Variants in PTPRM observed in about 807,000 individuals in gnomAD.
The protein encoded by PTPRM is receptor-type tyrosine-protein phosphatase mu.
Under a neutral mutation model 186.7 loss-of-function variants are expected in PTPRM, and 47 were observed. The observed-to-expected ratio is 0.25, with a 90% CI of 0.20 to 0.32. The LOEUF is 0.32. Among genes scored for constraint, PTPRM ranks in the 10% least tolerant of loss-of-function variants. The pLI is 1.00. For missense variants in PTPRM, 1,494 were observed against 1,865.0 expected (o/e 0.80, Z 3.66); for synonymous variants, 668 against 674.9 (o/e 0.99, Z 0.16).
At chr18:7,954,163 G>A (rs889255811) in intron 6 of PTPRM, among the ~76,000 whole-genome samples, 2 of 152,184 alleles carry the variant, frequency 1.3e-5, no homozygotes, top group East Asian at 1.9e-4. Context: ...AATATACTGG[G>A]AGTACTATTT....
intron 19 of PTPRM, among the ~76,000 whole-genome samples, chr18:8,289,474 A>T (rs866584855): frequency 1.7e-5 from 1 of 57,540 alleles, no homozygotes; most frequent in Non-Finnish European, 4.3e-5. Flanking sequence ...ATATACACAC[A>T]TATGTATATA....
intron 14 of PTPRM, among the ~76,000 whole-genome samples, chr18:8,228,147 C>T (rs187021772): frequency 6.6e-6 from 1 of 152,194 alleles, no homozygotes. Flanking sequence ...GATCTATTTG[C>T]AGGTGGATAT....
intron 14 of PTPRM, among the ~76,000 whole-genome samples, chr18:8,165,775 G>A (rs1453990913): frequency 6.6e-6 from 1 of 152,172 alleles, no homozygotes; most frequent in East Asian, 1.9e-4. Context: ...GAATAGGAAT[G>A]TGCCCAGCAT....
At chr18:7,578,188 GTC>G (rs1037629460) in intron 1 of PTPRM, among the ~76,000 whole-genome samples, 3 of 151,894 alleles carry the variant, frequency 2.0e-5, no homozygotes, top group African/African-American at 7.3e-5. Context: ...TTTAGACAGG[GTC>G]TCACTCTTGT....
At chr18:8,383,227 G>A (rs557818237) in intron 29 of PTPRM, among the ~76,000 whole-genome samples, 1 of 142,712 alleles carries the variant, frequency 7.0e-6, no homozygotes, top group African/African-American at 2.6e-5. Context: ...GAACCCGGGG[G>A]GCGGAGTTTG....
chr18:7,650,988 G>C (rs2038689769), intron 1 of PTPRM, among the ~76,000 whole-genome samples: 1 of 149,954 alleles, frequency 6.7e-6, no homozygotes, highest in Admixed American at 6.6e-5. Context: ...CTGGAGTGCA[G>C]TGGTGTGGTC....
At chr18:8,110,486 G>T (rs955272615) in intron 11 of PTPRM, among the ~76,000 whole-genome samples, 2 of 152,154 alleles carry the variant, frequency 1.3e-5, no homozygotes, top group Admixed American at 6.5e-5. Flanking sequence ...GTTTGCAGTA[G>T]GAGAATCTAG....
intron 1 of PTPRM, among the ~76,000 whole-genome samples, chr18:7,687,892 T>C (rs1317496847): frequency 1.3e-5 from 2 of 151,936 alleles, no homozygotes; most frequent in Non-Finnish European, 2.9e-5. Flanking sequence ...ATTGTCCTGC[T>C]TCAGCCTCCC....
chr18:7,776,439 A>ATTG (rs1418837248), intron 2 of PTPRM, among the ~76,000 whole-genome samples: 2 of 152,042 alleles, frequency 1.3e-5, no homozygotes, highest in Non-Finnish European at 2.9e-5. Context: ...ATTTCTGAAA[A>ATTG]CTATTGTTGC....
chr18:7,690,299 C>T (rs534130846), intron 1 of PTPRM, among the ~76,000 whole-genome samples: 2 of 152,116 alleles, frequency 1.3e-5, no homozygotes, highest in Non-Finnish European at 2.9e-5. Context: ...TTGTTAGTTG[C>T]TTGGAATGGT....
intron 14 of PTPRM, among the ~76,000 whole-genome samples, chr18:8,182,386 G>A (rs947062556): frequency 6.6e-5 from 10 of 152,006 alleles, no homozygotes; most frequent in East Asian, 3.9e-4. Flanking sequence ...CAAGACTCTC[G>A]TATATCTCAT....
intron 5 of PTPRM, among the ~76,000 whole-genome samples, chr18:7,941,872 C>A (rs2052197724): frequency 6.6e-6 from 1 of 152,248 alleles, no homozygotes; most frequent in Non-Finnish European, 1.5e-5. Flanking sequence ...TTTCCTCATG[C>A]TCCAAGAAAT....
intron 2 of PTPRM, among the ~76,000 whole-genome samples, chr18:7,809,559 G>C (rs1311165276): frequency 1.3e-5 from 2 of 152,090 alleles, no homozygotes; most frequent in Non-Finnish European, 2.9e-5. Context: ...TGCCTCTGTA[G>C]CTCCTCGGTC....
At chr18:7,604,057 A>G (rs1375185128) in intron 1 of PTPRM, among the ~76,000 whole-genome samples, 1 of 152,236 alleles carries the variant, frequency 6.6e-6, no homozygotes, top group Non-Finnish European at 1.5e-5. Context: ...CACACAAGAA[A>G]TGATTTTCAT....
chr18:8,176,298 C>T (rs570366276), intron 14 of PTPRM, among the ~76,000 whole-genome samples: 1 of 152,128 alleles, frequency 6.6e-6, no homozygotes, highest in Non-Finnish European at 1.5e-5. Context: ...TAATCTCTAT[C>T]TACTGCAATC....
Position 8,299,153 on chromosome 18 carries a change from C to T in PTPRM, c.2842+2698C>T, listed in dbSNP as rs2000648. Among the ~76,000 whole-genome samples the T allele has an allele frequency of 4.6e-3, 703 of 152,108 alleles. 5 individuals are homozygous for T. The highest frequency in any genetic ancestry group is 0.016 in the African/African-American group (678 of 41,474). On this transcript the variant is annotated intron_variant, in intron 20 of 32. Coordinates refer to ENST00000580170, the MANE Select transcript of PTPRM (RefSeq NM_001105244.2). ...CCTGCCCATTTGTCTCCACTTGGCC[C>T]GTGTGGGTATTTGGTGTACAGCTGC...
chr18:8,059,028 T>C (rs1232561596), intron 7 of PTPRM, among the ~76,000 whole-genome samples: 1 of 131,034 alleles, frequency 7.6e-6, no homozygotes, highest in African/African-American at 3.0e-5. Flanking sequence ...GCATTGAATC[T>C]GTAAATTACC....
intron 1 of PTPRM, among the ~76,000 whole-genome samples, chr18:7,605,091 T>C (rs4798579): frequency 0.83 from 126,580 of 152,166 alleles, 53,271 homozygotes; most frequent in East Asian, 1. Flanking sequence ...CAGGGATGTC[T>C]GATCTTTTGG....
intron 13 of PTPRM, among the ~76,000 whole-genome samples, chr18:8,119,421 A>C (rs2092087994): frequency 6.6e-6 from 1 of 152,186 alleles, no homozygotes; most frequent in Admixed American, 6.5e-5. Flanking sequence ...AAGCTAATTA[A>C]GATTCCGTTT....
Sources: gnomAD v4.1 joint callset for allele counts (sites outside exome capture counted in the v4.1 genomes callset) on GRCh38, gnomAD v4.1.1 for gene constraint, MANE v1.5 for transcripts, NCBI Gene and HGNC (gene_info 2026-07-23, HGNC 2026-07-21) for gene names.